Variants in TOPBP1 observed in about 807,000 individuals in gnomAD.
The protein encoded by TOPBP1 is DNA topoisomerase 2-binding protein 1.
TOPBP1 carries 28 observed loss-of-function variants against 167.7 expected under a neutral mutation model. The observed-to-expected ratio is 0.17, with a 90% CI of 0.12 to 0.23. The LOEUF (loss-of-function observed/expected upper bound fraction) is 0.23, where lower values mean the gene tolerates loss of function less well. Among genes scored for constraint, TOPBP1 ranks in the 10% least tolerant of loss-of-function variants. The pLI, the probability that TOPBP1 is intolerant of heterozygous loss-of-function variation, is 1.00. For synonymous variants in TOPBP1, 598 were observed against 611.4 expected, an observed-to-expected ratio of 0.98 and a Z score of 0.32; for missense variants, 1,554 against 1,809.6, an observed-to-expected ratio of 0.86 and a Z score of 2.56.
chr3:133,653,560 G>A (rs184065964), intron 6 of TOPBP1, 36 bp from the exon 7 acceptor site: 2 of 1,451,338 alleles, frequency 1.4e-6, no homozygotes, highest in Non-Finnish European at 9.1e-7. Context: ...AGAGAAAATA[G>A]GAGAAACCAA....
rs764038121 is a variant in TOPBP1, at chr3:133,628,348, G to T, written c.2804+14C>A. On this transcript the variant is annotated intron_variant, in intron 16 of 27. Coordinates refer to ENST00000260810, the MANE Select transcript of TOPBP1 (RefSeq NM_007027.4). ...CAGTCATATCACCATGAAACAGAAA[G>T]ATGTGCCAACTACCTGTAATCTGCT... 5.1e-6 allele frequency: 8 copies of T among 1,579,494 alleles called. 1 individual carries two copies. In the South Asian group the frequency reaches 6.9e-5, roughly 14 times the overall value.
At chr3:133,659,228 T>A in intron 2 of TOPBP1, 78 bp from the exon 3 acceptor site, 2 of 1,373,162 alleles carry the variant, frequency 1.5e-6, no homozygotes, top group Non-Finnish European at 1.9e-6. Flanking sequence ...CCATCTCAAA[T>A]CCAGCCTTTT....
intron 16 of TOPBP1, 124 bp downstream of exon 16, chr3:133,628,238 G>A (rs1431933134): frequency 8.1e-6 from 7 of 863,110 alleles, no homozygotes; most frequent in South Asian, 1.8e-5. Flanking sequence ...ATCAACTGGA[G>A]AGATTTTGTA....
intron 16 of TOPBP1, among the ~76,000 whole-genome samples, chr3:133,626,217 T>C (rs941572583): frequency 2.6e-5 from 4 of 152,202 alleles, no homozygotes; most frequent in African/African-American, 9.6e-5. Flanking sequence ...CCAATAAAAC[T>C]TTACTTACAA....
chr3:133,607,272 G>A (rs1487051903), intron 27 of TOPBP1, among the ~76,000 whole-genome samples: 1 of 151,926 alleles, frequency 6.6e-6, no homozygotes, highest in Non-Finnish European at 1.5e-5. Flanking sequence ...TTTTGGATTT[G>A]GGATGCTCAA....
rs74738463 is a variant in TOPBP1, at chr3:133,661,046, C to T, written c.82G>A (p.Glu28Lys). 11 of 1,578,768 alleles carry T rather than the reference C, an allele frequency of 7.0e-6. No homozygotes were observed. The African/African-American group carries it at 8.2e-5, about 12-fold the overall frequency. Residue 28 changes from glutamate (E) to lysine (K), a missense_variant and splice_region_variant, in exon 2 of 28, where the codon GAG (glutamate) becomes AAG (lysine). Physicochemically the swap from Glu to Lys is moderately conservative, Grantham distance 56. This residue lies in a region of TOPBP1 where 1,197 missense variants were observed against 1,351.5 expected (regional missense o/e 0.89). Coordinates refer to ENST00000260810, the MANE Select transcript of TOPBP1 (RefSeq NM_007027.4). ...DNSKCFFKALESIKEFQSEEY... is the reference protein window; with the variant it reads ...DNSKCFFKALKSIKEFQSEEY... ...ATTAAGATGTTTTCAACTCTTACCT[C>T]GAGAGCTTTAAAAAAACATTTGGAA...
rs1209257699 is a variant in TOPBP1 at position 133,601,506 on chromosome 3, A to G, written c.4426-113T>C. 5.9e-6 allele frequency: 5 copies of G among 851,278 alleles called. 1 individual carries two copies. The South Asian group carries it at 1.0e-4, about 17-fold the overall frequency. The allele number at this position is 851,278 out of a possible 1,614,324, so 52.7% of individuals were successfully genotyped here. A position where few individuals can be genotyped will look rare whatever the true frequency, so the allele number is the denominator to read the frequency against. On this transcript the variant is annotated intron_variant, in intron 27 of 27. Coordinates refer to ENST00000260810, the MANE Select transcript of TOPBP1 (RefSeq NM_007027.4). ...TCTCAGGGATGAATCTGACAAACTT[A>G]AAGGAAAACGCATATTCATTCCTAG...
intron 27 of TOPBP1, among the ~76,000 whole-genome samples, chr3:133,603,328 C>T (rs1047560328): frequency 1.3e-5 from 2 of 151,812 alleles, no homozygotes; most frequent in Non-Finnish European, 2.9e-5. Context: ...CCAAGAAAGA[C>T]AAAGAAGAAC....
At chr3:133,639,928 A>G in intron 13 of TOPBP1, 31 bp downstream of exon 13, 1 of 1,589,796 alleles carries the variant, frequency 6.3e-7, no homozygotes, top group Non-Finnish European at 8.6e-7. Flanking sequence ...AGTTGTAAAT[A>G]TATATAAAAG....
intron 8 of TOPBP1, among the ~76,000 whole-genome samples, chr3:133,651,012 G>A (rs182273872): frequency 1.3e-5 from 2 of 151,628 alleles, no homozygotes; most frequent in Admixed American, 1.3e-4. Context: ...CAGGAGAATC[G>A]CTTGAACCTA....
intron 13 of TOPBP1, among the ~76,000 whole-genome samples, chr3:133,639,057 T>C (rs1012314458): frequency 3.9e-5 from 6 of 152,238 alleles, no homozygotes; most frequent in African/African-American, 1.4e-4. Flanking sequence ...GTGTGGCGAT[T>C]CCTCAAAGAT....
chr3:133,657,694 G>T, intron 4 of TOPBP1, 104 bp downstream of exon 4: 3 of 973,878 alleles, frequency 3.1e-6, no homozygotes, highest in Non-Finnish European at 4.1e-6. Context: ...TAAAAGTCAC[G>T]AACAATAAGC....
intron 10 of TOPBP1, among the ~76,000 whole-genome samples, chr3:133,646,129 G>C (rs1331831206): frequency 6.6e-6 from 1 of 151,486 alleles, no homozygotes; most frequent in Non-Finnish European, 1.5e-5. Flanking sequence ...CCTGGTGACA[G>C]AGCAAGACTG....
intron 27 of TOPBP1, among the ~76,000 whole-genome samples, chr3:133,607,140 G>A (rs1393969839): frequency 6.6e-6 from 1 of 152,112 alleles, no homozygotes; most frequent in African/African-American, 2.4e-5. Context: ...CACAGATTGA[G>A]TATCCCTTAT....
chr3:133,613,767 G>C (rs948411261), intron 23 of TOPBP1, among the ~76,000 whole-genome samples: 1 of 149,508 alleles, frequency 6.7e-6, no homozygotes, highest in African/African-American at 2.5e-5. Flanking sequence ...GTTGGGCAGA[G>C]TTAGTTATAT....
Position 133,623,156 on chromosome 3 carries a change from T to C in TOPBP1, c.3113A>G (p.Asn1038Ser), listed in dbSNP as rs776302699. 23 of 1,612,990 alleles carry C rather than the reference T, an allele frequency of 1.4e-5. No homozygotes were observed. Among genetic ancestry groups the C allele is most frequent in the East Asian group, 2.2e-5 (1 of 44,866 alleles). ...TGACTCTTTATTATTGGTGGCCATATTGTCTACATCATTTTCTTCTAAAAT... is the reference window on the plus strand; with the variant it reads ...TGACTCTTTATTATTGGTGGCCATACTGTCTACATCATTTTCTTCTAAAAT... ...PLILEENDVD[N>S]MATNNKESAP... is the part of the protein sequence containing the mutation. The change falls in exon 19 of 28, where the codon AAT becomes AGT. Residue 1038 changes from asparagine to serine, a missense_variant. Around this residue, in one of 3 missense-constraint regions of TOPBP1, gnomAD observed 1,197 missense variants for 1,351.5 expected, o/e 0.89. Transcript: ENST00000260810.
intron 12 of TOPBP1, among the ~76,000 whole-genome samples, chr3:133,641,199 T>A (rs1935880070): frequency 6.6e-6 from 1 of 152,178 alleles, no homozygotes; most frequent in Non-Finnish European, 1.5e-5. Context: ...CTTTAATGAA[T>A]CCTATTTATT....
At chr3:133,661,005 A>C in intron 2 of TOPBP1, 39 bp downstream of exon 2, 1 of 1,457,018 alleles carries the variant, frequency 6.9e-7, no homozygotes, top group Non-Finnish European at 9.2e-7. Context: ...TAAAAACAAG[A>C]AAATGAATTC....
intron 6 of TOPBP1, among the ~76,000 whole-genome samples, chr3:133,653,896 T>C (rs940214166): frequency 2.0e-5 from 3 of 152,300 alleles, no homozygotes; most frequent in Middle Eastern, 3.4e-3. Context: ...CCTCCCAAAA[T>C]GCTGGGATTA....
Sources: allele counts gnomAD v4.1 joint callset (sites outside exome capture counted in the v4.1 genomes callset), GRCh38; gene constraint gnomAD v4.1.1; regional missense constraint gnomAD v4.1.1; transcripts MANE v1.5; gene names NCBI Gene and HGNC (gene_info 2026-07-23, HGNC 2026-07-21).